Variants in PTPRN2 observed in about 807,000 individuals in gnomAD.
PTPRN2 encodes protein tyrosine phosphatase receptor type N2, also known as receptor-type tyrosine-protein phosphatase N2.
In PTPRN2, 74 loss-of-function variants were observed where a neutral mutation model predicts 118.8. The ratio of observed to expected loss-of-function variants is 0.62; its 90% confidence interval spans 0.52 to 0.76. The LOEUF (loss-of-function observed/expected upper bound fraction) is 0.76. Among genes scored for constraint, PTPRN2 ranks in the 30% least tolerant of loss-of-function variants. PTPRN2 has a pLI of 0.00. For missense variants in PTPRN2, 1,481 were observed against 1,394.4 expected (o/e 1.06, Z -0.99); for synonymous variants, 641 against 608.0 (o/e 1.05, Z -0.80).
intron 20 of PTPRN2, among the ~76,000 whole-genome samples, chr7:157,571,163 C>T (rs544787288): frequency 1.7e-4 from 22 of 131,032 alleles, no homozygotes; most frequent in Non-Finnish European, 2.5e-4. Flanking sequence ...GTGAGCCTGA[C>T]GAGACCACGC....
intron 12 of PTPRN2, among the ~76,000 whole-genome samples, chr7:157,830,874 G>A (rs926659445): frequency 4.6e-5 from 7 of 152,218 alleles, no homozygotes; most frequent in African/African-American, 9.7e-5. Flanking sequence ...ACATACGAAC[G>A]TGTGCTAAGT....
chr7:157,699,423 G>GCTTTT (rs1227858775), intron 12 of PTPRN2, among the ~76,000 whole-genome samples: 1 of 152,108 alleles, frequency 6.6e-6, no homozygotes, highest in East Asian at 1.9e-4. Context: ...GCAGCCAGTT[G>GCTTTT]CTTTTCTTTT....
At chr7:158,161,594 A>G (rs1822358407) in intron 6 of PTPRN2, among the ~76,000 whole-genome samples, 1 of 152,256 alleles carries the variant, frequency 6.6e-6, no homozygotes, top group Non-Finnish European at 1.5e-5. Flanking sequence ...AATGGGTCAC[A>G]GACCTCATTA....
Position 157,875,071 on chromosome 7 carries a change from GCTCA to G in PTPRN2, c.1788+23598_1788+23601del, listed in dbSNP as rs1291803234. 1.4e-4 allele frequency among the ~76,000 whole-genome samples: 22 copies of G among 152,018 alleles called. No homozygotes were observed. In the East Asian group the frequency reaches 4.1e-3, roughly 28 times the overall value. Reference sequence around the variant, plus strand: ...CACACACAGACACACACACACACACGCTCACTCACAGGCAAACAGATGCCCTTGG... The same window carrying G: ...CACACACAGACACACACACACACACGCTCACAGGCAAACAGATGCCCTTGG... On this transcript the variant is annotated intron_variant, in intron 12 of 22. Coordinates refer to ENST00000389418, the MANE Select transcript of PTPRN2 (RefSeq NM_002847.5).
At chr7:158,072,205 C>T (rs1490070682) in intron 11 of PTPRN2, among the ~76,000 whole-genome samples, 5 of 151,962 alleles carry the variant, frequency 3.3e-5, no homozygotes, top group Non-Finnish European at 5.9e-5. Flanking sequence ...CTCATCCTCA[C>T]CCAAGGACTC....
intron 2 of PTPRN2, among the ~76,000 whole-genome samples, chr7:158,395,963 T>A (rs976657153): frequency 6.6e-6 from 1 of 151,908 alleles, no homozygotes; most frequent in Non-Finnish European, 1.5e-5. Context: ...GTCACAGAGG[T>A]GAGAGTGGGG....
intron 21 of PTPRN2, 80 bp from the exon 22 acceptor site, chr7:157,549,099 T>C (rs920735102): frequency 1.5e-6 from 2 of 1,363,690 alleles, no homozygotes; most frequent in Non-Finnish European, 1.0e-6. Flanking sequence ...GCTAGCCACG[T>C]TCCCTCTGGG....
chr7:158,131,235 A>G (rs913996463), intron 9 of PTPRN2, among the ~76,000 whole-genome samples: 2 of 145,726 alleles, frequency 1.4e-5, no homozygotes, highest in East Asian at 3.9e-4. Context: ...CACACACCCA[A>G]CAAACACACA....
chr7:157,686,223 A>G (rs1585237245), intron 12 of PTPRN2, among the ~76,000 whole-genome samples: 1 of 152,176 alleles, frequency 6.6e-6, no homozygotes, highest in East Asian at 1.9e-4. Flanking sequence ...GAAGAAACCG[A>G]AGAAAGAGGT....
At chr7:158,021,899 C>T (rs1806903034) in intron 11 of PTPRN2, among the ~76,000 whole-genome samples, 1 of 152,252 alleles carries the variant, frequency 6.6e-6, no homozygotes, top group South Asian at 2.1e-4. Context: ...AATCTACCCA[C>T]CTCTGTCCTA....
chr7:158,548,736 A>G (rs948201185), intron 1 of PTPRN2, among the ~76,000 whole-genome samples: 5 of 152,222 alleles, frequency 3.3e-5, no homozygotes, highest in Admixed American at 2.6e-4. Flanking sequence ...CTCCCCCAGC[A>G]TGACTCTAAG....
intron 1 of PTPRN2, among the ~76,000 whole-genome samples, chr7:158,514,405 C>G (rs1011330051): frequency 1.3e-5 from 2 of 152,190 alleles, no homozygotes; most frequent in Admixed American, 1.3e-4. Flanking sequence ...GTGGGCTGCC[C>G]AGTCCCTGAA....
intron 12 of PTPRN2, among the ~76,000 whole-genome samples, chr7:157,815,269 C>T (rs1806323657): frequency 6.6e-6 from 1 of 152,248 alleles, no homozygotes; most frequent in African/African-American, 2.4e-5. Flanking sequence ...GCTGTGTGCA[C>T]CTCCTGAGGG....
intron 2 of PTPRN2, among the ~76,000 whole-genome samples, chr7:158,331,978 C>T (rs1341393718): frequency 1.3e-5 from 2 of 151,308 alleles, no homozygotes; most frequent in Non-Finnish European, 2.9e-5. Context: ...CTGAAGACGT[C>T]ACTCACATCC....
At chr7:157,855,329 C>G (rs957800298) in intron 12 of PTPRN2, among the ~76,000 whole-genome samples, 4 of 152,186 alleles carry the variant, frequency 2.6e-5, no homozygotes, top group Admixed American at 1.3e-4. Context: ...TCTTAAGTGA[C>G]AGACTCAAAC....
At chr7:158,129,102 C>A (rs571872458) in intron 9 of PTPRN2, among the ~76,000 whole-genome samples, 1 of 150,294 alleles carries the variant, frequency 6.7e-6, no homozygotes, top group South Asian at 2.1e-4. Flanking sequence ...ACACTACACA[C>A]CACACACAAC....
At chr7:158,097,495 C>T (rs1204809704) in intron 10 of PTPRN2, among the ~76,000 whole-genome samples, 2 of 152,228 alleles carry the variant, frequency 1.3e-5, no homozygotes, top group African/African-American at 4.8e-5. Context: ...CCGAATGCCC[C>T]GGCGGTCCTC....
chr7:157,972,565 G>A (rs1208185595), intron 11 of PTPRN2, among the ~76,000 whole-genome samples: 8 of 42,240 alleles, frequency 1.9e-4, no homozygotes, highest in Admixed American at 2.3e-4. Context: ...CACCACGAGA[G>A]CAGGGCTTCA....
chr7:158,413,026 CCTCAGCTCCAGGGCCCATCCAGTGCCCTT>C (rs1331470947), intron 2 of PTPRN2, among the ~76,000 whole-genome samples: 2 of 151,616 alleles, frequency 1.3e-5, no homozygotes, highest in African/African-American at 2.4e-5. Flanking sequence ...CCAGTGGCCT[CCTCAGCTCCAGGGCCCATCCAGTGCCCTT>C]CTCAGCTCCA....
Sources: gnomAD v4.1 joint callset for allele counts (sites outside exome capture counted in the v4.1 genomes callset) on GRCh38, gnomAD v4.1.1 for gene constraint, MANE v1.5 for transcripts, NCBI Gene and HGNC (gene_info 2026-07-23, HGNC 2026-07-21) for gene names.